The following ERG variants were observed in gnomAD, a reference collection of about 807,000 sequenced individuals.
ERG encodes the protein transcriptional regulator ERG.
Under a neutral mutation model 55.3 loss-of-function variants are expected in ERG, and 9 were observed. The observed-to-expected ratio is 0.16, with a 90% confidence interval of 0.10 to 0.28. ERG has a LOEUF of 0.28. Among genes scored for constraint, ERG ranks in the 10% least tolerant of loss-of-function variants. ERG has a pLI of 1.00. For synonymous variants in ERG, 223 were observed against 237.3 expected, an observed-to-expected ratio of 0.94 and a Z score of 0.55; for missense variants, 434 against 631.6, an observed-to-expected ratio of 0.69 and a Z score of 3.35.
At chr21:38,461,483 A>G (rs1467715775) in intron 1 of ERG, among the ~76,000 whole-genome samples, 1 of 152,168 alleles carries the variant, frequency 6.6e-6, no homozygotes, top group Admixed American at 6.5e-5. Flanking sequence ...AAGGCAGAGA[A>G]TGTGTCCCTC....
chr21:38,454,939 T>C (rs779854720), intron 1 of ERG, among the ~76,000 whole-genome samples: 13 of 152,192 alleles, frequency 8.5e-5, no homozygotes, highest in Non-Finnish European at 1.8e-4. Context: ...GGTTTTCCAT[T>C]CAAATTCTAC....
At chr21:38,379,621 T>C (rs1384050441), downstream of ERG, among the ~76,000 whole-genome samples, 1 of 152,222 alleles carries the variant, frequency 6.6e-6, no homozygotes, top group East Asian at 1.9e-4. Context: ...AGAATAATAG[T>C]TTAACATTTT....
intron 1 of ERG, among the ~76,000 whole-genome samples, chr21:38,477,719 A>G (rs1446923148): frequency 6.6e-6 from 1 of 152,218 alleles, no homozygotes. Flanking sequence ...TAAGGGCCCT[A>G]TGACATAGAG....
chr21:38,391,100 G>T, intron 8 of ERG, 58 bp from the exon 9 acceptor site: 1 of 1,389,064 alleles, frequency 7.2e-7, no homozygotes, highest in Non-Finnish European at 1.0e-6. Flanking sequence ...AGTATGATGT[G>T]ACTTCAGACA....
intron 2 of ERG, among the ~76,000 whole-genome samples, chr21:38,561,273 T>C (rs1367496687): frequency 6.6e-6 from 1 of 152,186 alleles, no homozygotes; most frequent in Non-Finnish European, 1.5e-5. Context: ...CTTGGTCTGT[T>C]TTCTTTCCTG....
intron 1 of ERG, among the ~76,000 whole-genome samples, chr21:38,491,386 A>C (rs2059334703): frequency 6.6e-6 from 1 of 152,208 alleles, no homozygotes; most frequent in South Asian, 2.1e-4. Flanking sequence ...AATTTAAAAA[A>C]CAAAAAAACC....
chr21:38,501,128 C>T (rs1391721121), upstream of ERG, among the ~76,000 whole-genome samples: 6 of 139,478 alleles, frequency 4.3e-5, no homozygotes, highest in Admixed American at 2.3e-4. Flanking sequence ...TGCAGTGGCG[C>T]GATCTCGGCT....
chr21:38,562,700 T>C (rs1261913547), intron 2 of ERG, among the ~76,000 whole-genome samples: 2 of 152,194 alleles, frequency 1.3e-5, no homozygotes, highest in Non-Finnish European at 2.9e-5. Flanking sequence ...ACACAGTTTC[T>C]AGCAAGATAG....
At chr21:38,394,594 C>T (rs556970260) in intron 6 of ERG, among the ~76,000 whole-genome samples, 3 of 152,198 alleles carry the variant, frequency 2.0e-5, no homozygotes, top group African/African-American at 4.8e-5. Context: ...CCCCGTGATC[C>T]GCCCGCCTCA....
chr21:38,469,125 C>T (rs2059118412), intron 1 of ERG, among the ~76,000 whole-genome samples: 1 of 150,576 alleles, frequency 6.6e-6, no homozygotes, highest in African/African-American at 2.4e-5. Context: ...TATCTATTTA[C>T]ATTATAGAAG....
intron 1 of ERG, among the ~76,000 whole-genome samples, chr21:38,580,792 G>A (rs1228369427): frequency 6.6e-6 from 1 of 152,182 alleles, no homozygotes; most frequent in African/African-American, 2.4e-5. Flanking sequence ...CAAGGTAGAA[G>A]GGAAAATAAG....
chr21:38,384,659 G>A (rs1246308671), intron 9 of ERG, among the ~76,000 whole-genome samples: 2 of 152,148 alleles, frequency 1.3e-5, no homozygotes, highest in Non-Finnish European at 2.9e-5. Context: ...GCTAGGTCAA[G>A]TAAGATAATA....
intron 1 of ERG, among the ~76,000 whole-genome samples, chr21:38,612,216 C>G (rs1381265190): frequency 6.6e-6 from 1 of 152,168 alleles, no homozygotes; most frequent in African/African-American, 2.4e-5. Context: ...TTTACCATCC[C>G]ATTGAAATGG....
chr21:38,522,998 A>AC (rs1176874333), intron 2 of ERG, among the ~76,000 whole-genome samples: 3 of 152,218 alleles, frequency 2.0e-5, no homozygotes, highest in Non-Finnish European at 2.9e-5. Context: ...TTCCATATGG[A>AC]CTAGGGTAGT....
chr21:38,537,653 C>A (rs1219332739), intron 2 of ERG, among the ~76,000 whole-genome samples: 1 of 151,898 alleles, frequency 6.6e-6, no homozygotes, highest in South Asian at 2.1e-4. Flanking sequence ...ATGACTATTA[C>A]CAAAAAATCA....
chr21:38,426,769 TA>T (rs112234791), intron 2 of ERG, among the ~76,000 whole-genome samples: 33,545 of 147,846 alleles, frequency 0.23, 3,864 homozygotes, highest in South Asian at 0.3. Context: ...TGTCTCTACT[TA>T]AAAAAAAAAA....
rs2146431546 is a variant in ERG at position 38,392,393 on chromosome 21, G to T, written c.797C>A (p.Pro266His). 1 of 1,567,206 alleles carries T rather than the reference G, an allele frequency of 6.4e-7. No homozygotes were observed. Among genetic ancestry groups the T allele is most frequent in the East Asian group, 2.4e-5 (1 of 42,374 alleles). The change falls in exon 7 of 10, where the codon CCC (proline) becomes CAC (histidine). Residue 266 changes from proline to histidine, a missense_variant. This residue lies in a region of ERG where 99 missense variants were observed against 145.6 expected (regional missense o/e 0.68). Transcript: ENST00000288319. ...RRSAWTGHGHPTPQSKAAQPS... is the reference protein window; with the variant it reads ...RRSAWTGHGHHTPQSKAAQPS... ...CACTGTACCTTTCGACTGGGGCGTGGGGTGGCCGTGACCGGTCCAGGCTGA... is the reference window on the plus strand; with the variant it reads ...CACTGTACCTTTCGACTGGGGCGTGTGGTGGCCGTGACCGGTCCAGGCTGA...
chr21:38,500,565 A>G (rs1457003049), upstream of ERG, among the ~76,000 whole-genome samples: 1 of 152,134 alleles, frequency 6.6e-6, no homozygotes, highest in African/African-American at 2.4e-5. Context: ...ACTGGTGCCA[A>G]TGTACATCAT....
intron 1 of ERG, among the ~76,000 whole-genome samples, chr21:38,653,002 G>A (rs1274175079): frequency 6.6e-6 from 1 of 152,128 alleles, no homozygotes; most frequent in Non-Finnish European, 1.5e-5. Context: ...AGATTGCACG[G>A]CATTCGCATT....
Sources: allele counts gnomAD v4.1 joint callset (sites outside exome capture counted in the v4.1 genomes callset), GRCh38; gene constraint gnomAD v4.1.1; regional missense constraint gnomAD v4.1.1; transcripts MANE v1.5; gene names NCBI Gene and HGNC (gene_info 2026-07-23, HGNC 2026-07-21).